Variants in CTNNA1 observed in about 807,000 individuals in gnomAD.
The protein encoded by CTNNA1 is catenin alpha 1.
CTNNA1 carries 37 observed loss-of-function variants against 98.4 expected under a neutral mutation model. The observed-to-expected ratio is 0.38, with a 90% CI of 0.29 to 0.49. The LOEUF (loss-of-function observed/expected upper bound fraction) is 0.49. Ranked by LOEUF, CTNNA1 falls within the 20% of genes least tolerant of loss-of-function variation. The pLI, the probability that CTNNA1 is intolerant of heterozygous loss-of-function variation, is 0.95. For synonymous variants in CTNNA1, 404 were observed against 413.2 expected, an observed-to-expected ratio of 0.98 and a Z score of 0.27; for missense variants, 761 against 1,147.2, an observed-to-expected ratio of 0.66 and a Z score of 4.86.
intron 5 of CTNNA1, among the ~76,000 whole-genome samples, chr5:138,821,526 A>G (rs916589233): frequency 6.6e-6 from 1 of 152,216 alleles, no homozygotes; most frequent in African/African-American, 2.4e-5. Context: ...TTGTTTGACC[A>G]TGGACCCTTT....
intron 11 of CTNNA1, among the ~76,000 whole-genome samples, chr5:138,922,465 T>C (rs914558303): frequency 6.6e-6 from 1 of 152,266 alleles, no homozygotes; most frequent in African/African-American, 2.4e-5. Context: ...ATTCCTTTTA[T>C]ATTCATTTAC....
chr5:138,814,084 C>T (rs201855994), intron 5 of CTNNA1, among the ~76,000 whole-genome samples: 1 of 152,196 alleles, frequency 6.6e-6, no homozygotes, highest in East Asian at 1.9e-4. Flanking sequence ...GAAGGCCCTT[C>T]TCAGTAGGCA....
chr5:138,764,914 CTG>C (rs1752762444), intron 1 of CTNNA1, among the ~76,000 whole-genome samples: 16 of 124,384 alleles, frequency 1.3e-4, no homozygotes, highest in African/African-American at 4.7e-4. Flanking sequence ...GTCGCCCATG[CTG>C]GAGTGGGAGT....
chr5:138,866,337 A>G (rs1764788068), intron 7 of CTNNA1, among the ~76,000 whole-genome samples: 1 of 139,034 alleles, frequency 7.2e-6, no homozygotes, highest in Non-Finnish European at 1.6e-5. Context: ...TTTTGGTACA[A>G]ATACTAGGGC....
chr5:138,880,767 G>A (rs915822676), intron 7 of CTNNA1: 2 of 293,174 alleles, frequency 6.8e-6, no homozygotes, highest in African/African-American at 2.2e-5. Context: ...TTGAAGAATC[G>A]TTCAATTTTA....
rs1561564776 is a variant in CTNNA1 at position 138,824,757 on chromosome 5, T to A, written c.816T>A (p.Gly272=). The change falls in exon 6 of 18, where the codon GGT becomes GGA. Residue 272 remains glycine, a synonymous_variant. Transcript: ENST00000302763. ...CAGACGATGCCTCACAGCACCAGGG[T>A]GGAGGAGGAGGAGAACTGGCATATG... ...TASDDASQHQ[G]GGGGELAYAL... 1.2e-6 allele frequency: 2 copies of A among 1,614,066 alleles called. No homozygotes were observed. The highest frequency in any genetic ancestry group is 1.7e-6 in the Non-Finnish European group (2 of 1,179,982).
At chr5:138,829,446 G>A (rs1761047303) in intron 7 of CTNNA1, among the ~76,000 whole-genome samples, 1 of 152,168 alleles carries the variant, frequency 6.6e-6, no homozygotes, top group Non-Finnish European at 1.5e-5. Context: ...ACAGACTTTG[G>A]TGGGAAGGAG....
chr5:138,869,019 A>G (rs759534090), intron 7 of CTNNA1: 3 of 148,432 alleles, frequency 2.0e-5, no homozygotes, highest in African/African-American at 7.5e-5. Context: ...GCATAATAGT[A>G]TTTTCTTCCC....
chr5:138,780,466 TA>T (rs1209165067), intron 1 of CTNNA1, among the ~76,000 whole-genome samples: 1 of 152,032 alleles, frequency 6.6e-6, no homozygotes, highest in African/African-American at 2.4e-5. Flanking sequence ...GTGCTGGGAT[TA>T]CAGGCGTGAG....
intron 3 of CTNNA1, among the ~76,000 whole-genome samples, chr5:138,788,224 G>C (rs768655775): frequency 2.0e-5 from 3 of 152,112 alleles, no homozygotes; most frequent in Non-Finnish European, 4.4e-5. Flanking sequence ...GTTCTGTGCT[G>C]GTCTGGTGAC....
At chr5:138,785,210 C>T (rs1755543700) in intron 3 of CTNNA1, among the ~76,000 whole-genome samples, 1 of 150,810 alleles carries the variant, frequency 6.6e-6, no homozygotes, top group Non-Finnish European at 1.5e-5. Context: ...TACAGGCGCC[C>T]GCCACTACGC....
At chr5:138,810,607 G>C (rs1049869016) in intron 4 of CTNNA1, among the ~76,000 whole-genome samples, 3 of 152,138 alleles carry the variant, frequency 2.0e-5, no homozygotes, top group Non-Finnish European at 4.4e-5. Flanking sequence ...CAGGGTTGGG[G>C]GTAAGGTCAC....
chr5:138,856,379 GT>G (rs200375001), intron 7 of CTNNA1, among the ~76,000 whole-genome samples: 1,773 of 152,076 alleles, frequency 0.012, 29 homozygotes, highest in African/African-American at 0.041. Context: ...GTCTCACTCT[GT>G]TACCTAGGCT....
intron 7 of CTNNA1, among the ~76,000 whole-genome samples, chr5:138,863,352 C>T (rs552151270): frequency 3.3e-5 from 5 of 152,238 alleles, no homozygotes; most frequent in African/African-American, 1.2e-4. Flanking sequence ...CTTCCTACTT[C>T]AGCCTCCCGG....
At chr5:138,904,306 T>C in intron 9 of CTNNA1, 43 bp from the exon 10 acceptor site, 1 of 1,582,902 alleles carries the variant, frequency 6.3e-7, no homozygotes, top group Non-Finnish European at 8.6e-7. Flanking sequence ...TCCTTAGCAG[T>C]CAAAAGAGAA....
rs534334774 is a variant in CTNNA1 at position 138,831,574 on chromosome 5, G to A, written c.1062+3856G>A. ...TTCTGGAAATTCCCTTCCTACCTAT[G>A]TAAACCTAATCTACTCTTTCTTCAG... On this transcript the variant is annotated intron_variant, in intron 7 of 17. Coordinates refer to ENST00000302763, the MANE Select transcript of CTNNA1 (RefSeq NM_001903.5). 1.2e-3 allele frequency among the ~76,000 whole-genome samples: 187 copies of A among 152,054 alleles called. 6 individuals are homozygous for A. Among genetic ancestry groups the A allele is most frequent in the Admixed American group, 1.8e-3 (27 of 15,284 alleles).
At chr5:138,912,131 G>A (rs1760770959) in intron 10 of CTNNA1, among the ~76,000 whole-genome samples, 1 of 152,196 alleles carries the variant, frequency 6.6e-6, no homozygotes, top group African/African-American at 2.4e-5. Context: ...GGAAAGATCT[G>A]GGAGTGGAAC....
intron 3 of CTNNA1, among the ~76,000 whole-genome samples, chr5:138,783,621 G>A (rs1755377336): frequency 6.6e-6 from 1 of 152,196 alleles, no homozygotes; most frequent in Non-Finnish European, 1.5e-5. Context: ...AATCATGAGA[G>A]ATGCTTGCAG....
At chr5:138,780,867 A>C (rs1755013585) in intron 1 of CTNNA1, among the ~76,000 whole-genome samples, 1 of 152,176 alleles carries the variant, frequency 6.6e-6, no homozygotes, top group South Asian at 2.1e-4. Flanking sequence ...AGTTTATATT[A>C]GTGTTTACCT....
Sources: allele counts gnomAD v4.1 joint callset (sites outside exome capture counted in the v4.1 genomes callset), GRCh38; gene constraint gnomAD v4.1.1; transcripts MANE v1.5; gene names NCBI Gene and HGNC (gene_info 2026-07-23, HGNC 2026-07-21).